TTLL5: variants seen among roughly 807,000 people sequenced by gnomAD.
TTLL5 encodes tubulin tyrosine ligase like 5.
TTLL5 carries 132 observed loss-of-function variants against 168.4 expected under a neutral mutation model. The ratio of observed to expected loss-of-function variants is 0.78; its 90% CI spans 0.68 to 0.91. TTLL5 has a LOEUF of 0.91. Ranked by LOEUF, TTLL5 falls within the 40% of genes least tolerant of loss-of-function variation. The pLI, the probability that TTLL5 is intolerant of heterozygous loss-of-function variation, is 0.00. For synonymous variants in TTLL5, 546 were observed against 558.6 expected (o/e 0.98, Z 0.32); for missense variants, 1,545 against 1,581.5 (o/e 0.98, Z 0.39).
rs536192526 is a variant in TTLL5 at position 75,741,614 on chromosome 14, C to G, written c.1282-3481C>G. ...AAGCATTTATTTTCTTTTTTTCTGT[C>G]CATCTTATCCTTTCTTCTTCCCTTC... On this transcript the variant is annotated intron_variant, in intron 15 of 31. Transcript: ENST00000298832. 7.3e-5 allele frequency among the ~76,000 whole-genome samples: 11 copies of G among 150,490 alleles called. No individual in the cohort carries two copies. In the East Asian group the frequency reaches 2.1e-3, roughly 29 times the overall value.
intron 9 of TTLL5, among the ~76,000 whole-genome samples, chr14:75,713,694 C>G (rs1437724916): frequency 2.0e-5 from 3 of 152,150 alleles, no homozygotes. Flanking sequence ...AGAGTGGAGA[C>G]TGGAGAATGG....
At chr14:75,667,649 T>G (rs934605921) in intron 2 of TTLL5, among the ~76,000 whole-genome samples, 6 of 152,056 alleles carry the variant, frequency 3.9e-5, no homozygotes, top group Non-Finnish European at 5.9e-5. Flanking sequence ...TTTGCTTTCT[T>G]CACTAGAAAG....
intron 9 of TTLL5, among the ~76,000 whole-genome samples, chr14:75,716,770 A>C (rs1358095755): frequency 6.6e-6 from 1 of 152,128 alleles, no homozygotes; most frequent in African/African-American, 2.4e-5. Context: ...GCATCACTGG[A>C]AAGTTCTCTC....
chr14:75,720,655 A>G lies in TTLL5; in HGVS notation c.994A>G (p.Ile332Val), dbSNP rs778808941. 9.3e-6 allele frequency: 15 copies of G among 1,613,594 alleles called. No homozygotes were observed. Among genetic ancestry groups the G allele is most frequent in the African/African-American group, 1.3e-5 (1 of 74,900 alleles). The change falls in exon 12 of 32, where the codon ATT becomes GTT. Residue 332 changes from isoleucine (I) to valine (V), a missense_variant. Transcript: ENST00000298832. Reference sequence around the variant, plus strand: ...GACTATAATCTCTGCTGAACTAGCTATTGCTACTGCCTGTAAAACCTTTGT... The same window carrying G: ...GACTATAATCTCTGCTGAACTAGCTGTTGCTACTGCCTGTAAAACCTTTGT... ...IKTIISAELA[I>V]ATACKTFVPH...
intron 26 of TTLL5, among the ~76,000 whole-genome samples, chr14:75,789,199 T>A (rs997867362): frequency 4.6e-5 from 7 of 152,142 alleles, no homozygotes; most frequent in African/African-American, 1.7e-4. Context: ...GGATGCCCAT[T>A]AACATTCCTT....
intron 28 of TTLL5, among the ~76,000 whole-genome samples, chr14:75,821,017 A>T (rs576413837): frequency 2.8e-4 from 43 of 152,298 alleles, no homozygotes; most frequent in Middle Eastern, 3.4e-3. Flanking sequence ...CCATGCCAGT[A>T]CTTCCAGCCT....
intron 31 of TTLL5, among the ~76,000 whole-genome samples, chr14:75,921,982 G>A (rs192035942): frequency 6.6e-6 from 1 of 152,094 alleles, no homozygotes; most frequent in Admixed American, 6.5e-5. Context: ...TATTCTCTTT[G>A]TAGCAATTGT....
Position 75,741,526 on chromosome 14 carries a change from C to CT in TTLL5, c.1282-3554dup, listed in dbSNP as rs757442784. On this transcript the variant is annotated intron_variant, in intron 15 of 31. Coordinates refer to ENST00000298832, the MANE Select transcript of TTLL5 (RefSeq NM_015072.5). ...GTGGCCTTTCAAATCAGTCTGATTC[C>CT]TTTTTTTTTTTTTTTAACTTTGCTT... is the stretch of plus-strand genomic sequence containing the variant. 6.0e-3 allele frequency among the ~76,000 whole-genome samples: 817 copies of CT among 137,194 alleles called. 5 individuals carry two copies. The highest frequency in any genetic ancestry group is 0.015 in the African/African-American group (567 of 37,458). The allele number at this position is 137,194 out of a possible 152,430, so 90.0% of individuals were successfully genotyped here.
At chr14:75,782,624 A>C (rs1892124927) in intron 25 of TTLL5, 51 bp downstream of exon 25, 1 of 1,437,524 alleles carries the variant, frequency 7.0e-7, no homozygotes, top group East Asian at 2.3e-5. Context: ...TAATTTCCTA[A>C]AAGAAGGAAA....
chr14:75,915,487 G>A (rs895666234), intron 31 of TTLL5, among the ~76,000 whole-genome samples: 3 of 152,184 alleles, frequency 2.0e-5, no homozygotes, highest in Admixed American at 6.5e-5. Flanking sequence ...ATGCAGGGTG[G>A]AAAGATCATA....
chr14:75,874,172 A>G (rs1002268628), intron 29 of TTLL5, among the ~76,000 whole-genome samples: 1 of 151,924 alleles, frequency 6.6e-6, no homozygotes, highest in Non-Finnish European at 1.5e-5. Flanking sequence ...GCTCACTGCA[A>G]CCTCCACCTC....
intron 28 of TTLL5, among the ~76,000 whole-genome samples, chr14:75,857,140 A>C (rs1464302469): frequency 6.6e-6 from 1 of 152,210 alleles, no homozygotes; most frequent in Admixed American, 6.5e-5. Context: ...TGGCTAGGTC[A>C]TCCTTTACTG....
chr14:75,845,434 A>T (rs565806527), intron 28 of TTLL5, among the ~76,000 whole-genome samples: 158 of 152,238 alleles, frequency 1.0e-3, no homozygotes, highest in Non-Finnish European at 1.9e-3. Flanking sequence ...TTTGGTAGTC[A>T]GCATGTTTTT....
At chr14:75,947,805 G>A (rs996024889) in intron 31 of TTLL5, among the ~76,000 whole-genome samples, 2 of 152,004 alleles carry the variant, frequency 1.3e-5, no homozygotes, top group Non-Finnish European at 2.9e-5. Context: ...TTAGCTGGGC[G>A]TGGTGTGTGC....
chr14:75,903,583 A>T (rs2033017174), intron 31 of TTLL5, among the ~76,000 whole-genome samples: 1 of 152,080 alleles, frequency 6.6e-6, no homozygotes, highest in Non-Finnish European at 1.5e-5. Flanking sequence ...GATTGACATA[A>T]TACACCTTAA....
At chr14:75,843,568 C>T (rs117261200) in intron 28 of TTLL5, among the ~76,000 whole-genome samples, 1,556 of 152,284 alleles carry the variant, frequency 0.01, 32 homozygotes, top group South Asian at 0.082. Flanking sequence ...GAGGAGCAGC[C>T]ACCACATGTA....
At chr14:75,888,428 C>A (rs540666692) in intron 30 of TTLL5, among the ~76,000 whole-genome samples, 7 of 152,314 alleles carry the variant, frequency 4.6e-5, no homozygotes, top group African/African-American at 1.7e-4. Context: ...TTTCCCATCC[C>A]TCACTTCCCT....
intron 28 of TTLL5, among the ~76,000 whole-genome samples, chr14:75,861,563 A>G (rs2030006206): frequency 6.6e-6 from 1 of 152,204 alleles, no homozygotes; most frequent in South Asian, 2.1e-4. Context: ...CTTTAATGAC[A>G]AAGGAAAGAA....
chr14:75,711,396 A>C (rs576886203), intron 9 of TTLL5: 17 of 152,314 alleles, frequency 1.1e-4, no homozygotes, highest in African/African-American at 4.1e-4. Flanking sequence ...GACTCCAAAA[A>C]GATTTTGTCC....
Sources: allele counts gnomAD v4.1 joint callset (sites outside exome capture counted in the v4.1 genomes callset), GRCh38; gene constraint gnomAD v4.1.1; transcripts MANE v1.5; gene names NCBI Gene and HGNC (gene_info 2026-07-23, HGNC 2026-07-21).